Variants in KLHDC1 observed in about 807,000 individuals in gnomAD.
KLHDC1 encodes the protein kelch domain containing 1.
A neutral mutation model predicts 68.3 loss-of-function variants in KLHDC1; 53 were observed. That is an observed-to-expected ratio of 0.78 (90% CI 0.62 to 0.98). The LOEUF (loss-of-function observed/expected upper bound fraction) is 0.98. Among genes scored for constraint, KLHDC1 ranks in the 50% least tolerant of loss-of-function variants. The pLI is 0.00. For missense variants in KLHDC1, 470 were observed against 492.3 expected, an observed-to-expected ratio of 0.95 and a Z score of 0.43; for synonymous variants, 148 against 159.0, an observed-to-expected ratio of 0.93 and a Z score of 0.52.
chr14:49,736,996 A>G (rs978994221), intron 10 of KLHDC1, among the ~76,000 whole-genome samples: 2 of 152,228 alleles, frequency 1.3e-5, no homozygotes, highest in Admixed American at 6.5e-5. Context: ...ATAGTTGGCT[A>G]TCAGCAAGGA....
chr14:49,716,309 A>G (rs1469206251), intron 4 of KLHDC1, among the ~76,000 whole-genome samples: 1 of 152,148 alleles, frequency 6.6e-6, no homozygotes, highest in African/African-American at 2.4e-5. Flanking sequence ...AGTATGTAAA[A>G]GAAACCAGTA....
In KLHDC1 at chr14:49,710,254, C is replaced by T; in HGVS notation, c.286-9C>T. On this transcript the variant is annotated splice_polypyrimidine_tract_variant and intron_variant, in intron 3 of 12. Coordinates refer to ENST00000359332, the MANE Select transcript of KLHDC1 (RefSeq NM_172193.3). ...CCCTGTCTGCTAATAGTGTTCTCATCTTTTAAAGCTTTATTTTGTTAATTT... is the reference window on the plus strand; with the variant it reads ...CCCTGTCTGCTAATAGTGTTCTCATTTTTTAAAGCTTTATTTTGTTAATTT... 6.9e-7 allele frequency: 1 copy of T among 1,455,108 alleles called. No individual in the cohort carries two copies. The highest frequency in any genetic ancestry group is 9.6e-7 in the Non-Finnish European group (1 of 1,036,402). 90.1% of individuals were successfully genotyped at this position (1,455,108 alleles called of 1,614,324 possible).
rs1566589138 is a variant in KLHDC1 at position 49,693,742 on chromosome 14, C to CTTTTTTTTTTTTTTTTTTTTTTTTTTT, written c.96+457_96+458insTTTTTTTTTTTTTTTTTTTTTTTTTTT. On this transcript the variant is annotated intron_variant, in intron 1 of 12. Coordinates refer to ENST00000359332, the MANE Select transcript of KLHDC1 (RefSeq NM_172193.3). Reference sequence around the variant, plus strand: ...AGCATTTAAATATTTATTTTCTTTTCTTTTTCTTTTTTTTTTTTTTTTGAG... The same window carrying CTTTTTTTTTTTTTTTTTTTTTTTTTTT: ...AGCATTTAAATATTTATTTTCTTTTCTTTTTTTTTTTTTTTTTTTTTTTTTTTTTTTTCTTTTTTTTTTTTTTTTGAG... 3.9e-4 allele frequency among the ~76,000 whole-genome samples: 24 copies of CTTTTTTTTTTTTTTTTTTTTTTTTTTT among 60,962 alleles called. 2 individuals carry two copies. The highest frequency in any genetic ancestry group is 1.2e-3 in the African/African-American group (22 of 18,528). 40.0% of individuals were successfully genotyped at this position (60,962 alleles called of 152,430 possible). A position where few individuals can be genotyped will look rare whatever the true frequency, so the allele number is the denominator to read the frequency against.
intron 5 of KLHDC1, among the ~76,000 whole-genome samples, chr14:49,724,592 C>T (rs1048208356): frequency 6.6e-6 from 1 of 151,206 alleles, no homozygotes; most frequent in African/African-American, 2.4e-5. Context: ...ATGTATATTG[C>T]TTTGTATATG....
At chr14:49,735,673 T>C (rs1191928143) in intron 10 of KLHDC1, among the ~76,000 whole-genome samples, 1 of 152,142 alleles carries the variant, frequency 6.6e-6, no homozygotes, top group Non-Finnish European at 1.5e-5. Context: ...TAGTCCTTGC[T>C]CAGCTACTAC....
rs752209267 is a variant in KLHDC1, at chr14:49,734,589, G to A, written c.824G>A (p.Ser275Asn). ...GGLSADNIPL[S>N]DGWIHNVTTN... Reference sequence around the variant, plus strand: ...TTTCTGAACTGTCATGATATTGCAGGTGATGGTTGGATTCATAATGTCACA... The same window carrying A: ...TTTCTGAACTGTCATGATATTGCAGATGATGGTTGGATTCATAATGTCACA... The change falls in exon 10 of 13, where the codon AGT becomes AAT. Residue 275 changes from serine (S) to asparagine (N), a missense_variant and splice_region_variant. Physicochemically the swap from Ser to Asn is conservative, Grantham distance 46 (BLOSUM62 1). Coordinates refer to ENST00000359332, the MANE Select transcript of KLHDC1 (RefSeq NM_172193.3). 2.5e-6 allele frequency: 4 copies of A among 1,575,420 alleles called. No homozygotes were observed. Among genetic ancestry groups the A allele is most frequent in the Non-Finnish European group, 3.5e-6 (4 of 1,154,326 alleles).
At chr14:49,695,819 C>T (rs1470077630) in intron 1 of KLHDC1, among the ~76,000 whole-genome samples, 1 of 152,184 alleles carries the variant, frequency 6.6e-6, no homozygotes, top group East Asian at 1.9e-4. Flanking sequence ...AATCCCAGGA[C>T]TTTGGGAGGC....
At chr14:49,740,770 A>T (rs1274450248) in intron 11 of KLHDC1, among the ~76,000 whole-genome samples, 1 of 152,084 alleles carries the variant, frequency 6.6e-6, no homozygotes, top group South Asian at 2.1e-4. Flanking sequence ...TTTCTCTTAC[A>T]TGGGTTTCTC....
intron 1 of KLHDC1, among the ~76,000 whole-genome samples, chr14:49,707,032 G>T (rs906058522): frequency 6.6e-6 from 1 of 152,092 alleles, no homozygotes; most frequent in Non-Finnish European, 1.5e-5. Flanking sequence ...CTGTGCCTGT[G>T]GGGTATCATT....
chr14:49,719,867 C>T (rs911027631), intron 4 of KLHDC1, among the ~76,000 whole-genome samples: 5 of 152,000 alleles, frequency 3.3e-5, no homozygotes, highest in African/African-American at 9.7e-5. Context: ...ATCACCCACC[C>T]AGGCTGAAGT....
intron 11 of KLHDC1, among the ~76,000 whole-genome samples, chr14:49,740,429 C>G (rs888256596): frequency 7.2e-5 from 11 of 152,080 alleles, no homozygotes; most frequent in Non-Finnish European, 1.5e-4. Context: ...GCTCTGCCTC[C>G]CAGGTTCACA....
At chr14:49,711,111 G>A (rs1888187646) in intron 4 of KLHDC1, among the ~76,000 whole-genome samples, 1 of 152,168 alleles carries the variant, frequency 6.6e-6, no homozygotes, top group South Asian at 2.1e-4. Flanking sequence ...TCTGGCCTCA[G>A]CCTCCTGAGT....
At chr14:49,727,386 G>C (rs1888698203) in intron 6 of KLHDC1, among the ~76,000 whole-genome samples, 1 of 152,130 alleles carries the variant, frequency 6.6e-6, no homozygotes, top group Non-Finnish European at 1.5e-5. Flanking sequence ...GGAACAGGAG[G>C]CTATTGTGAC....
Position 49,740,098 on chromosome 14 carries a change from G to A in KLHDC1, c.897G>A (p.Arg299=). The change falls in exon 11 of 13, where the codon AGG becomes AGA. Residue 299 remains arginine (R), a splice_region_variant and synonymous_variant. Transcript: ENST00000359332. ...CTCTGTTTATAATTTTCAATCATAG[G>A]TTATGGCACACAGCCTGTTTGGGAA... ...QLTHLPKTRP[R]LWHTACLGKE... 1.3e-6 allele frequency: 2 copies of A among 1,595,594 alleles called. No homozygotes were observed. Among genetic ancestry groups the A allele is most frequent in the South Asian group, 2.2e-5 (2 of 90,218 alleles).
intron 1 of KLHDC1, among the ~76,000 whole-genome samples, chr14:49,701,984 C>T (rs1280270432): frequency 6.6e-6 from 1 of 152,046 alleles, no homozygotes; most frequent in African/African-American, 2.4e-5. Context: ...GCCTCACCAA[C>T]ATGGAGAAAC....
In KLHDC1 at chr14:49,747,825, TC is replaced by T. The variant is rs35668521; in HGVS notation, c.1035-3757del. On this transcript the variant is annotated intron_variant, in intron 12 of 12. Coordinates refer to ENST00000359332, the MANE Select transcript of KLHDC1 (RefSeq NM_172193.3). Reference sequence around the variant, plus strand: ...GCACCATAGCTGAGAAACATGGCTTTCCCCAGTAGCACTAAACAGCTGGGTC... The same window carrying T: ...GCACCATAGCTGAGAAACATGGCTTTCCCAGTAGCACTAAACAGCTGGGTC... Among the ~76,000 whole-genome samples, 453 of 152,286 alleles carry T rather than the reference TC, an allele frequency of 3.0e-3. 3 individuals are homozygous for T. The highest frequency in any genetic ancestry group is 0.011 in the African/African-American group (438 of 41,562).
At chr14:49,707,801 C>T (rs976289103) in intron 1 of KLHDC1, 3 of 143,954 alleles carry the variant, frequency 2.1e-5, no homozygotes, top group Non-Finnish European at 4.5e-5. Flanking sequence ...CAGGCATGTG[C>T]CACCAGGCCT....
rs1180024431 is a variant in KLHDC1, at chr14:49,713,820, A to G, written c.404+3439A>G. Reference sequence around the variant, plus strand: ...GAGGTATATATATATATATATATATATATATATATATATATATATATATAT... The same window carrying G: ...GAGGTATATATATATATATATATATGTATATATATATATATATATATATAT... On this transcript the variant is annotated intron_variant, in intron 4 of 12. Coordinates refer to ENST00000359332, the MANE Select transcript of KLHDC1 (RefSeq NM_172193.3). Among the ~76,000 whole-genome samples the G allele has an allele frequency of 4.8e-3, 8 of 1,684 alleles. No homozygotes were observed. In the East Asian group the frequency reaches 0.12, roughly 26 times the overall value. 1.1% of individuals were successfully genotyped at this position (1,684 alleles called of 152,430 possible).
chr14:49,726,607 A>G (rs1158482262), intron 6 of KLHDC1, among the ~76,000 whole-genome samples: 2 of 152,232 alleles, frequency 1.3e-5, no homozygotes, highest in Non-Finnish European at 2.9e-5. Context: ...ACATGCAATT[A>G]TGGCATGACA....
Sources: gnomAD v4.1 joint callset for allele counts (sites outside exome capture counted in the v4.1 genomes callset) on GRCh38, gnomAD v4.1.1 for gene constraint, MANE v1.5 for transcripts, NCBI Gene and HGNC (gene_info 2026-07-23, HGNC 2026-07-21) for gene names.